CRB1: variants seen among roughly 807,000 people sequenced by gnomAD.
CRB1 encodes the protein protein crumbs homolog 1.
CRB1 carries 83 observed loss-of-function variants against 120.0 expected under a neutral mutation model. The observed-to-expected ratio is 0.69, with a 90% confidence interval of 0.58 to 0.83. The LOEUF (loss-of-function observed/expected upper bound fraction) is 0.83. Ranked by LOEUF, CRB1 falls within the 40% of genes least tolerant of loss-of-function variation. The probability of loss-of-function intolerance (pLI) is 0.00; values close to 1 mark genes in which losing one functional copy is unlikely to be tolerated. For missense variants in CRB1, 1,699 were observed against 1,687.6 expected, an observed-to-expected ratio of 1.01 and a Z score of -0.12; for synonymous variants, 625 against 612.5, an observed-to-expected ratio of 1.02 and a Z score of -0.30.
the CRB1 span, among the ~76,000 whole-genome samples, chr1:197,242,430 A>G: frequency 6.6e-6 from 1 of 152,276 alleles, no homozygotes; most frequent in African/African-American, 2.4e-5. Flanking sequence ...ATCTATTGAG[A>G]TAATCATGTG....
the CRB1 span, among the ~76,000 whole-genome samples, chr1:197,235,976 A>G: frequency 6.6e-5 from 10 of 152,160 alleles, no homozygotes; most frequent in Non-Finnish European, 1.3e-4. Context: ...AACCTGAAGT[A>G]ATGACCTAGT....
the CRB1 span, among the ~76,000 whole-genome samples, chr1:197,237,910 T>C: frequency 6.6e-6 from 1 of 152,148 alleles, no homozygotes; most frequent in Non-Finnish European, 1.5e-5. Flanking sequence ...TTTGGTCTTC[T>C]TTTTCTAGGT....
intron 5 of CRB1, among the ~76,000 whole-genome samples, chr1:197,417,734 A>G (rs186610780): frequency 6.6e-6 from 1 of 152,270 alleles, no homozygotes; most frequent in African/African-American, 2.4e-5. Context: ...GCCATATTGT[A>G]TCAGTCAAGT....
At chr1:197,457,319 T>A (rs959996175) in intron 11 of CRB1, among the ~76,000 whole-genome samples, 3 of 152,034 alleles carry the variant, frequency 2.0e-5, no homozygotes, top group Non-Finnish European at 4.4e-5. Context: ...ATTCACAAAA[T>A]CCCAAGAGTT....
In CRB1 at chr1:197,435,261, T is replaced by C. The variant is rs767048382; in HGVS notation, c.3398T>C (p.Val1133Ala). The C allele has an allele frequency of 5.6e-6, 9 of 1,613,762 alleles. No individual in the cohort carries two copies. In the African/African-American group the frequency reaches 1.2e-4, roughly 22 times the overall value. ...TTTCTCAAAATCTCTACCAATTCAG[T>C]GGTCACTGGCTGTTTGCAGTTAAAT... ...EQFLKISTNS[V>A]VTGCLQLNVC... The change falls in exon 9 of 12, where the codon GTG (valine) becomes GCG (alanine). Residue 1133 changes from valine to alanine, a missense_variant. Val to Ala is a moderately conservative substitution (Grantham distance 64, BLOSUM62 0). Coordinates refer to ENST00000367400, the MANE Select transcript of CRB1 (RefSeq NM_201253.3).
intron 1 of CRB1, among the ~76,000 whole-genome samples, chr1:197,279,872 T>A (rs1279707041): frequency 6.6e-6 from 1 of 151,442 alleles, no homozygotes; most frequent in Non-Finnish European, 1.5e-5. Flanking sequence ...CTATGATTCA[T>A]GTTTTCCTTG....
intron 3 of CRB1, among the ~76,000 whole-genome samples, chr1:197,345,593 C>T (rs1659721564): frequency 6.7e-6 from 1 of 148,570 alleles, no homozygotes; most frequent in African/African-American, 2.5e-5. Flanking sequence ...ACCGCAACCT[C>T]CGCCTTCCGG....
chr1:197,316,945 A>G (rs1352516683), intron 1 of CRB1, among the ~76,000 whole-genome samples: 1 of 151,862 alleles, frequency 6.6e-6, no homozygotes, highest in Non-Finnish European at 1.5e-5. Flanking sequence ...CAGAATGCCT[A>G]GTAATAAATT....
chr1:197,398,523 G>A (rs1571470772), intron 5 of CRB1, among the ~76,000 whole-genome samples: 1 of 152,264 alleles, frequency 6.6e-6, no homozygotes, highest in East Asian at 1.9e-4. Flanking sequence ...ATAGATTAAA[G>A]AGATGTAGAA....
At chr1:197,449,886 C>T (rs981975415) in intron 11 of CRB1, among the ~76,000 whole-genome samples, 5 of 152,172 alleles carry the variant, frequency 3.3e-5, no homozygotes, top group African/African-American at 1.2e-4. Context: ...ACCTCTGTAG[C>T]TGTCTCCTTT....
intron 5 of CRB1, among the ~76,000 whole-genome samples, chr1:197,399,581 C>T (rs978761709): frequency 2.6e-5 from 4 of 152,082 alleles, no homozygotes; most frequent in East Asian, 1.9e-4. Flanking sequence ...AAACTACTGC[C>T]GCATAACAAA....
the CRB1 span, among the ~76,000 whole-genome samples, chr1:197,230,517 G>A: frequency 2.6e-5 from 4 of 152,054 alleles, no homozygotes; most frequent in African/African-American, 4.8e-5. Flanking sequence ...GACAACTCAA[G>A]TTTAGATTCA....
chr1:197,436,620 T>A (rs1274338281), intron 9 of CRB1, among the ~76,000 whole-genome samples: 2 of 152,062 alleles, frequency 1.3e-5, no homozygotes, highest in Non-Finnish European at 2.9e-5. Flanking sequence ...CAAACAAGAA[T>A]GAGTGAATGA....
At chr1:197,246,722 A>C in the CRB1 span, among the ~76,000 whole-genome samples, 1 of 152,138 alleles carries the variant, frequency 6.6e-6, no homozygotes, top group Non-Finnish European at 1.5e-5. Flanking sequence ...ATAAAATTCA[A>C]AATTCAGTGT....
chr1:197,206,852 T>A, the CRB1 span, among the ~76,000 whole-genome samples: 1 of 152,172 alleles, frequency 6.6e-6, no homozygotes, highest in East Asian at 1.9e-4. Flanking sequence ...CCCCCAATAT[T>A]ACTGTGTTGC....
At chr1:197,268,154 A>G (rs1253086299), upstream of CRB1, 5 of 453,774 alleles carry the variant, frequency 1.1e-5, no homozygotes, top group Non-Finnish European at 2.0e-5. Context: ...GGGGGAATGA[A>G]TCCAATCCAG....
chr1:197,458,233 G>A (rs529371626), intron 11 of CRB1, among the ~76,000 whole-genome samples: 1 of 152,098 alleles, frequency 6.6e-6, no homozygotes, highest in African/African-American at 2.4e-5. Flanking sequence ...AGAAAAGGAG[G>A]ATCCAGGAAA....
chr1:197,425,482 C>G (rs1288873099), intron 6 of CRB1, among the ~76,000 whole-genome samples: 3 of 152,160 alleles, frequency 2.0e-5, no homozygotes, highest in Admixed American at 2.0e-4. Flanking sequence ...GACATTTAGA[C>G]ATGCTGAAAT....
intron 1 of CRB1, among the ~76,000 whole-genome samples, chr1:197,293,500 T>C (rs1656326488): frequency 6.6e-6 from 1 of 152,082 alleles, no homozygotes; most frequent in Admixed American, 6.6e-5. Flanking sequence ...AGGTAATTTA[T>C]AGATTCAATG....
Sources: allele counts gnomAD v4.1 joint callset (sites outside exome capture counted in the v4.1 genomes callset), GRCh38; gene constraint gnomAD v4.1.1; transcripts MANE v1.5; gene names NCBI Gene and HGNC (gene_info 2026-07-23, HGNC 2026-07-21).